The following RGS22 variants were observed in gnomAD, a reference collection of about 807,000 sequenced individuals.
RGS22 encodes regulator of G protein signaling 22, also known as regulator of G-protein signaling 22.
RGS22 carries 148 observed loss-of-function variants against 172.9 expected under a neutral mutation model. The ratio of observed to expected loss-of-function variants is 0.86; its 90% CI spans 0.75 to 0.98. RGS22 has a LOEUF of 0.98. RGS22 is among the 50% of genes least tolerant of loss of function. The pLI is 0.00. For missense variants in RGS22, 1,347 were observed against 1,440.8 expected (o/e 0.93, Z 1.05); for synonymous variants, 458 against 480.2 (o/e 0.95, Z 0.60).
rs774779921 is a variant in RGS22 at position 99,965,444 on chromosome 8, A to C, written c.3520-14T>G. ...TTTGATTCCATCCTGTAATTATATT[A>C]AATTAAATTATTACCCAGAAAAGAT... On this transcript the variant is annotated splice_polypyrimidine_tract_variant and intron_variant, in intron 23 of 27. Coordinates refer to ENST00000360863, the MANE Select transcript of RGS22 (RefSeq NM_015668.5). 2.0e-6 allele frequency: 3 copies of C among 1,523,672 alleles called. No individual in the cohort carries two copies. Among genetic ancestry groups the C allele is most frequent in the Admixed American group, 1.7e-5 (1 of 57,280 alleles). The allele number at this position is 1,523,672 out of a possible 1,614,324, so 94.4% of individuals were successfully genotyped here.
chr8:100,046,482 C>G (rs139838854), intron 11 of RGS22: 17 of 151,148 alleles, frequency 1.1e-4, no homozygotes, highest in African/African-American at 4.1e-4. Context: ...CATGTGCCTT[C>G]AGAACGGTGT....
chr8:100,034,079 A>C (rs1819163257), intron 14 of RGS22, among the ~76,000 whole-genome samples: 1 of 151,998 alleles, frequency 6.6e-6, no homozygotes, highest in African/African-American at 2.4e-5. Context: ...CTCTCTCACC[A>C]CTCCTATTCA....
intron 9 of RGS22, chr8:100,054,423 T>A (rs2131717869): frequency 6.5e-6 from 1 of 154,248 alleles, no homozygotes; most frequent in South Asian, 2.0e-4. Context: ...CAAGCTTGTC[T>A]CTACAGAAAA....
chr8:100,087,230 T>C (rs1812230504), intron 3 of RGS22, among the ~76,000 whole-genome samples: 1 of 152,214 alleles, frequency 6.6e-6, no homozygotes, highest in African/African-American at 2.4e-5. Context: ...ATTTAGAGAA[T>C]GCTCAACCTT....
Position 99,962,403 on chromosome 8 carries a change from A to G in RGS22, c.*36T>C. On this transcript the variant is annotated 3_prime_UTR_variant, in exon 27 of 28. Transcript: ENST00000360863. ...TCAGACTATGACGTACCTTGAACCT[A>G]TCAGCAGCAGGATGTAAACATTCAC... 3 of 1,611,780 alleles carry G rather than the reference A, an allele frequency of 1.9e-6. No homozygotes were observed. The highest frequency in any genetic ancestry group is 2.2e-5 in the East Asian group (1 of 44,880).
chr8:100,019,521 A>G (rs866245682), intron 14 of RGS22, among the ~76,000 whole-genome samples: 5 of 152,258 alleles, frequency 3.3e-5, no homozygotes, highest in African/African-American at 1.2e-4. Flanking sequence ...GTCCCTCAGT[A>G]CATAAAGAAT....
intron 5 of RGS22, 111 bp downstream of exon 5, chr8:100,072,034 A>C: frequency 1.5e-6 from 1 of 655,756 alleles, no homozygotes; most frequent in Non-Finnish European, 2.5e-6. Context: ...CTGACTCTAC[A>C]AAGAATTTAA....
At chr8:100,054,250 T>G (rs1475669641) in intron 9 of RGS22, 1 of 152,302 alleles carries the variant, frequency 6.6e-6, no homozygotes, top group East Asian at 1.9e-4. Context: ...GCCCAAAGAC[T>G]AATTCTTATT....
chr8:100,014,403 C>G (rs761330754), intron 14 of RGS22, among the ~76,000 whole-genome samples: 5 of 152,204 alleles, frequency 3.3e-5, no homozygotes, highest in Non-Finnish European at 5.9e-5. Flanking sequence ...TCTTCCCTCT[C>G]TCTACAAGTC....
chr8:99,999,378 G>A lies in RGS22; in HGVS notation c.2833C>T (p.Gln945Ter). Residue 945 changes from glutamine (Q) to a stop codon, truncating the protein, a stop_gained, in exon 19 of 28, where the codon CAG becomes TAG. Transcript: ENST00000360863. LOFTEE classifies it high-confidence loss of function. ...SGGWGKILHE[Q>*]LDAPVLVEIQ... ...TCAACTAGAACAGGTGCATCAAGCT[G>A]CTCATGAAGAATCTTCCCCCAGCCA... 1 of 1,613,902 alleles carries A rather than the reference G, an allele frequency of 6.2e-7. No individual in the cohort carries two copies. Among genetic ancestry groups the A allele is most frequent in the Non-Finnish European group, 8.5e-7 (1 of 1,179,892 alleles).
intron 2 of RGS22, among the ~76,000 whole-genome samples, chr8:100,101,627 T>C (rs1422065485): frequency 1.3e-5 from 2 of 151,838 alleles, no homozygotes; most frequent in Non-Finnish European, 2.9e-5. Flanking sequence ...TAATTCACTC[T>C]CACTTTAAAC....
intron 10 of RGS22, among the ~76,000 whole-genome samples, chr8:100,048,013 A>G (rs1820911915): frequency 6.6e-6 from 1 of 151,946 alleles, no homozygotes; most frequent in African/African-American, 2.4e-5. Flanking sequence ...TGAAACAAAG[A>G]TACCCTTGGT....
intron 11 of RGS22, 123 bp from the exon 12 acceptor site, chr8:100,042,039 C>T (rs1184838580): frequency 1.7e-6 from 1 of 575,032 alleles, no homozygotes; most frequent in Non-Finnish European, 3.1e-6. Context: ...CAATGTGACT[C>T]AGGAAAAAAA....
chr8:100,071,456 G>A lies in RGS22; in HGVS notation c.507C>T (p.Ile169=), dbSNP rs267601675. 2.5e-5 allele frequency: 40 copies of A among 1,612,704 alleles called. No individual in the cohort carries two copies. The highest frequency in any genetic ancestry group is 3.3e-5 in the South Asian group (3 of 90,942). The change falls in exon 6 of 28, where the codon ATC becomes ATT. Residue 169 remains isoleucine (I), a synonymous_variant. Coordinates refer to ENST00000360863, the MANE Select transcript of RGS22 (RefSeq NM_015668.5). ...FTVGSNFSPW[I]VKKPPSLPPP... is the part of the protein sequence containing the mutation. ...GTGGTAGACTGGGTGGTTTTTTCAC[G>A]ATCCAGGGAGAAAAATTTGATCCTA... is the stretch of plus-strand genomic sequence containing the variant.
At chr8:100,092,376 C>T (rs1006815459) in intron 3 of RGS22, among the ~76,000 whole-genome samples, 2 of 152,062 alleles carry the variant, frequency 1.3e-5, no homozygotes, top group African/African-American at 4.8e-5. Flanking sequence ...TTGAATGTGT[C>T]CCCCAAATTT....
At chr8:100,100,968 A>G (rs975907634) in intron 2 of RGS22, among the ~76,000 whole-genome samples, 5 of 152,202 alleles carry the variant, frequency 3.3e-5, no homozygotes, top group Non-Finnish European at 7.4e-5. Flanking sequence ...AAAACCTTCA[A>G]CAAAATAGAT....
chr8:100,040,964 A>C (rs1024535854), intron 12 of RGS22, among the ~76,000 whole-genome samples: 3 of 152,234 alleles, frequency 2.0e-5, no homozygotes, highest in Admixed American at 6.5e-5. Flanking sequence ...ACTAAAAAAA[A>C]AATCATTATT....
chr8:100,083,830 C>CT (rs59603032), intron 3 of RGS22, among the ~76,000 whole-genome samples: 1,787 of 125,984 alleles, frequency 0.014, 16 homozygotes, highest in African/African-American at 0.038. Context: ...AATTTCTTTT[C>CT]TTTTTTTTTT....
chr8:100,072,269 A>G (rs1430088003), intron 4 of RGS22, 39 bp from the exon 5 acceptor site: 2 of 1,346,258 alleles, frequency 1.5e-6, no homozygotes, highest in Non-Finnish European at 2.1e-6. Flanking sequence ...AAGGTCAGAG[A>G]AAATCACTTT....
Sources: gnomAD v4.1 joint callset for allele counts (sites outside exome capture counted in the v4.1 genomes callset) on GRCh38, gnomAD v4.1.1 for gene constraint, MANE v1.5 for transcripts, NCBI Gene and HGNC (gene_info 2026-07-23, HGNC 2026-07-21) for gene names.